The following PTCHD4 variants were observed in gnomAD, a reference collection of about 807,000 sequenced individuals.
The protein encoded by PTCHD4 is patched domain-containing protein 4.
Under a neutral mutation model 58.1 loss-of-function variants are expected in PTCHD4, and 33 were observed. That is an observed-to-expected ratio of 0.57 (90% CI 0.43 to 0.76). The LOEUF is 0.76. PTCHD4 is among the 30% of genes least tolerant of loss of function. PTCHD4 has a pLI of 0.00. For missense variants in PTCHD4, 1,058 were observed against 1,027.1 expected, an observed-to-expected ratio of 1.03 and a Z score of -0.41; for synonymous variants, 478 against 409.6, an observed-to-expected ratio of 1.17 and a Z score of -2.02.
intron 3 of PTCHD4, among the ~76,000 whole-genome samples, chr6:48,061,693 C>G (rs991015136): frequency 6.6e-6 from 1 of 152,146 alleles, no homozygotes; most frequent in Non-Finnish European, 1.5e-5. Flanking sequence ...GGAGCAAGGT[C>G]TTAGAAAACA....
chr6:47,960,984 G>T (rs1188471308), intron 4 of PTCHD4, among the ~76,000 whole-genome samples: 1 of 137,792 alleles, frequency 7.3e-6, no homozygotes, highest in Admixed American at 7.4e-5. Context: ...AAAAAAAAGA[G>T]ACAGTGTCTT....
chr6:48,047,785 G>C (rs911241701), intron 3 of PTCHD4, among the ~76,000 whole-genome samples: 1 of 151,840 alleles, frequency 6.6e-6, no homozygotes, highest in East Asian at 1.9e-4. Context: ...ATGCACCAGG[G>C]GCTGGGGCCC....
chr6:48,017,628 G>T (rs1159993665), intron 3 of PTCHD4, among the ~76,000 whole-genome samples: 1 of 152,088 alleles, frequency 6.6e-6, no homozygotes, highest in South Asian at 2.1e-4. Flanking sequence ...ATTATCTTAG[G>T]CAACTCTTCC....
At position 47,879,078 on chromosome 6, in the gene PTCHD4, C is replaced by A; in HGVS notation, c.1757G>T (p.Arg586Leu). 1 of 1,613,268 alleles carries A rather than the reference C, an allele frequency of 6.2e-7. No individual in the cohort carries two copies. ...FLKKPEFQHF[R>L]NDIIFSKAGD... ...TGCCTTGGAGAAGATGATATCATTT[C>A]GAAAATGCTGGAATTCTGGCTTTTT... is the stretch of plus-strand genomic sequence containing the variant. The change falls in exon 5 of 5, where the codon CGA becomes CTA. Residue 586 changes from arginine to leucine, a missense_variant. Physicochemically the swap from Arg to Leu is moderately radical, Grantham distance 102. Coordinates refer to ENST00000339488, the MANE Select transcript of PTCHD4 (RefSeq NM_001384253.1).
chr6:47,887,969 T>C (rs374521410), intron 4 of PTCHD4, among the ~76,000 whole-genome samples: 1 of 152,300 alleles, frequency 6.6e-6, no homozygotes, highest in South Asian at 2.1e-4. Flanking sequence ...ATAATGTTGT[T>C]CAATGAGGGA....
intron 4 of PTCHD4, among the ~76,000 whole-genome samples, chr6:47,994,251 A>G (rs932465578): frequency 2.0e-5 from 3 of 152,214 alleles, no homozygotes; most frequent in Admixed American, 2.0e-4. Flanking sequence ...GTGGCAATGG[A>G]GAGGGAAAAC....
At chr6:48,076,043 C>A (rs944648744) in intron 1 of PTCHD4, among the ~76,000 whole-genome samples, 4 of 152,230 alleles carry the variant, frequency 2.6e-5, no homozygotes, top group Non-Finnish European at 5.9e-5. Flanking sequence ...TCCTCTCAAA[C>A]CCTGTGCTAC....
At chr6:47,983,078 G>T (rs7761878) in intron 4 of PTCHD4, among the ~76,000 whole-genome samples, 8,771 of 152,074 alleles carry the variant, frequency 0.058, 422 homozygotes, top group African/African-American at 0.13. Flanking sequence ...TACTGTTGGA[G>T]GATTACTTAT....
chr6:48,000,518 G>T, intron 4 of PTCHD4, among the ~76,000 whole-genome samples: 2 of 152,036 alleles, frequency 1.3e-5, no homozygotes, highest in East Asian at 1.9e-4. Flanking sequence ...TTATCTTTCC[G>T]AATTTTCTTT....
At chr6:48,009,432 CA>C (rs1762592231) in intron 3 of PTCHD4, among the ~76,000 whole-genome samples, 1 of 152,098 alleles carries the variant, frequency 6.6e-6, no homozygotes, top group South Asian at 2.1e-4. Flanking sequence ...TGTAACAATC[CA>C]TTACAAATCC....
At position 47,860,386 on chromosome 6, in the gene PTCHD4, A is replaced by C. The variant is rs2114056206; in HGVS notation, c.*17917T>G. On this transcript the variant is annotated 3_prime_UTR_variant, in exon 5 of 5. Coordinates refer to ENST00000339488, the MANE Select transcript of PTCHD4 (RefSeq NM_001384253.1). The stretch of plus-strand genomic sequence containing the variant: ...TATGACTCTAAAAACAAATTCAGGT[A>C]TTTTGAGAATATAGCCATGAAAACA... Among the ~76,000 whole-genome samples, 1 of 152,188 alleles carries C rather than the reference A, an allele frequency of 6.6e-6. No individual in the cohort carries two copies.
At chr6:47,887,134 C>T (rs1165584482) in intron 4 of PTCHD4, among the ~76,000 whole-genome samples, 1 of 151,658 alleles carries the variant, frequency 6.6e-6, no homozygotes, top group African/African-American at 2.4e-5. Context: ...TATTTGAACA[C>T]ATTCTTCTTG....
intron 4 of PTCHD4, among the ~76,000 whole-genome samples, chr6:47,967,676 G>T (rs761463058): frequency 1.3e-5 from 2 of 152,158 alleles, no homozygotes; most frequent in Non-Finnish European, 2.9e-5. Context: ...CAGCACTTGT[G>T]ATTGCACTTG....
intron 1 of PTCHD4, among the ~76,000 whole-genome samples, chr6:48,077,489 G>A (rs1445918261): frequency 6.6e-6 from 1 of 152,160 alleles, no homozygotes; most frequent in Non-Finnish European, 1.5e-5. Flanking sequence ...GCATTTTTGT[G>A]GAGATGACTT....
At chr6:47,880,387 C>A (rs1338297571) in intron 4 of PTCHD4, among the ~76,000 whole-genome samples, 1 of 152,086 alleles carries the variant, frequency 6.6e-6, no homozygotes, top group Non-Finnish European at 1.5e-5. Flanking sequence ...GATTTATATG[C>A]TGATTTAGGA....
intron 4 of PTCHD4, among the ~76,000 whole-genome samples, chr6:47,896,888 C>A (rs1269581375): frequency 6.6e-6 from 1 of 152,158 alleles, no homozygotes; most frequent in Non-Finnish European, 1.5e-5. Context: ...AAACCCAAAT[C>A]GTCAGACTCT....
intron 4 of PTCHD4, among the ~76,000 whole-genome samples, chr6:48,005,255 A>G (rs1762390957): frequency 6.6e-6 from 1 of 152,252 alleles, no homozygotes; most frequent in Admixed American, 6.5e-5. Context: ...AGGAACAAAC[A>G]GTATCAGCGA....
intron 3 of PTCHD4, among the ~76,000 whole-genome samples, chr6:48,033,938 A>T (rs149082994): frequency 1.1e-3 from 165 of 152,228 alleles, no homozygotes; most frequent in African/African-American, 3.9e-3. Flanking sequence ...ATATTAATTC[A>T]GGAGGGAATT....
At chr6:47,899,822 C>G (rs563030776) in intron 4 of PTCHD4, 2 of 152,352 alleles carry the variant, frequency 1.3e-5, no homozygotes, top group South Asian at 4.1e-4. Context: ...AGCAACTACT[C>G]ATCTACTTCC....
Sources: gnomAD v4.1 joint callset for allele counts (sites outside exome capture counted in the v4.1 genomes callset) on GRCh38, gnomAD v4.1.1 for gene constraint, MANE v1.5 for transcripts, NCBI Gene and HGNC (gene_info 2026-07-23, HGNC 2026-07-21) for gene names.